The following VSTM2L variants were observed in gnomAD, a reference collection of about 807,000 sequenced individuals.
VSTM2L encodes V-set and transmembrane domain-containing protein 2-like protein.
VSTM2L carries 9 observed loss-of-function variants against 19.9 expected under a neutral mutation model. The observed-to-expected ratio is 0.45, with a 90% CI of 0.27 to 0.79. The LOEUF is 0.79. Ranked by LOEUF, VSTM2L falls within the 30% of genes least tolerant of loss-of-function variation. The pLI is 0.15. For missense variants in VSTM2L, 286 were observed against 295.5 expected, an observed-to-expected ratio of 0.97 and a Z score of 0.24; for synonymous variants, 127 against 133.8, an observed-to-expected ratio of 0.95 and a Z score of 0.35.
chr20:37,943,651 A>T (rs2072987016), intron 3 of VSTM2L, among the ~76,000 whole-genome samples: 1 of 151,926 alleles, frequency 6.6e-6, no homozygotes, highest in African/African-American at 2.4e-5. Context: ...CATAAATGGC[A>T]TCCCCTGGGG....
intron 1 of VSTM2L, among the ~76,000 whole-genome samples, chr20:37,916,799 A>G (rs2072821166): frequency 6.6e-6 from 1 of 152,244 alleles, no homozygotes; most frequent in Non-Finnish European, 1.5e-5. Flanking sequence ...CAAAAACTCT[A>G]TGCTAGATGA....
At chr20:37,927,440 T>C (rs956076940) in intron 1 of VSTM2L, among the ~76,000 whole-genome samples, 1 of 152,198 alleles carries the variant, frequency 6.6e-6, no homozygotes, top group Non-Finnish European at 1.5e-5. Flanking sequence ...CTGTTTCTGT[T>C]GGACAGCGAG....
rs751540980 is a variant in VSTM2L at position 37,945,021 on chromosome 20, C to T, written c.*768C>T. ...GCCTTCAAGGCTCTCCCAGGAGTCCCCCTCTGCCGGCCCCCCAATGCCCCA... is the reference window on the plus strand; with the variant it reads ...GCCTTCAAGGCTCTCCCAGGAGTCCTCCTCTGCCGGCCCCCCAATGCCCCA... On this transcript the variant is annotated 3_prime_UTR_variant, in exon 4 of 4. Transcript: ENST00000373461. 1.1e-4 allele frequency: 106 copies of T among 985,736 alleles called. No homozygotes were observed. The highest frequency in any genetic ancestry group is 1.2e-4 in the Non-Finnish European group (103 of 829,988). 61.1% of individuals were successfully genotyped at this position (985,736 alleles called of 1,614,324 possible). A position where few individuals can be genotyped will look rare whatever the true frequency, so the allele number is the denominator to read the frequency against.
intron 1 of VSTM2L, among the ~76,000 whole-genome samples, chr20:37,904,554 C>T (rs906518646): frequency 6.6e-6 from 1 of 152,188 alleles, no homozygotes; most frequent in Admixed American, 6.5e-5. Context: ...GATGGAGGCT[C>T]GAGCATAGAT....
intron 1 of VSTM2L, among the ~76,000 whole-genome samples, chr20:37,905,744 C>T (rs955828019): frequency 2.0e-5 from 3 of 152,190 alleles, no homozygotes; most frequent in Non-Finnish European, 4.4e-5. Context: ...CGAGGAGCCC[C>T]CACAGCTGCC....
At chr20:37,904,577 G>C (rs2072740930) in intron 1 of VSTM2L, among the ~76,000 whole-genome samples, 1 of 152,226 alleles carries the variant, frequency 6.6e-6, no homozygotes, top group African/African-American at 2.4e-5. Flanking sequence ...AACCAAAGGA[G>C]ACCTTTCTTC....
At chr20:37,931,511 A>ACCCCCC in intron 1 of VSTM2L, 124 bp from the exon 2 acceptor site, 1 of 1,059,534 alleles carries the variant, frequency 9.4e-7, no homozygotes, top group Non-Finnish European at 1.4e-6. Context: ...CTTGCAGGTC[A>ACCCCCC]CCCCACCCCC....
rs1003581110 is a variant in VSTM2L at position 37,933,646 on chromosome 20, TA to T, written c.342+66del. On this transcript the variant is annotated intron_variant, in intron 3 of 3. Coordinates refer to ENST00000373461, the MANE Select transcript of VSTM2L (RefSeq NM_080607.3). ...TCTAATGGAGGGCACAGCTGTGACT[TA>T]AAAAAAAATTGGGGTCCAGTTCAGC... 560 of 1,552,626 alleles carry T rather than the reference TA, an allele frequency of 3.6e-4. 1 individual carries two copies. The highest frequency in any genetic ancestry group is 7.3e-4 in the South Asian group (63 of 86,188).
chr20:37,919,539 C>T (rs1050856615), intron 1 of VSTM2L, among the ~76,000 whole-genome samples: 6 of 152,228 alleles, frequency 3.9e-5, no homozygotes, highest in African/African-American at 1.2e-4. Context: ...GATTTACAGG[C>T]GGTTGGGCTG....
chr20:37,919,265 A>G (rs1002070895), intron 1 of VSTM2L, among the ~76,000 whole-genome samples: 9 of 152,238 alleles, frequency 5.9e-5, no homozygotes, highest in African/African-American at 2.2e-4. Context: ...CTTCTTAGGA[A>G]GAAAGCCCAT....
rs1013694189 is a variant in VSTM2L, at chr20:37,925,870, T to C, written c.122-5765T>C. On this transcript the variant is annotated intron_variant, in intron 1 of 3. Coordinates refer to ENST00000373461, the MANE Select transcript of VSTM2L (RefSeq NM_080607.3). ...CCTCCTACCTGAAGCCCCTCCCTGC[T>C]CCCGGCTCTACTACCTAGCCTACTG... 5.3e-5 allele frequency among the ~76,000 whole-genome samples: 8 copies of C among 152,236 alleles called. No homozygotes were observed. In the South Asian group the frequency reaches 1.7e-3, roughly 32 times the overall value.
At chr20:37,907,502 T>C (rs1348610053) in intron 1 of VSTM2L, among the ~76,000 whole-genome samples, 2 of 152,114 alleles carry the variant, frequency 1.3e-5, no homozygotes, top group African/African-American at 4.8e-5. Flanking sequence ...GTGGGAGATG[T>C]AGGGACAGGA....
Position 37,944,109 on chromosome 20 carries a change from C to G in VSTM2L, c.471C>G (p.Val157=). ...FSDGKARHHK[V]KAYLRVQPGE... ...ACGGCAAGGCCCGGCACCACAAGGT[C>G]AAGGCCTACCTGCGGGTGCAGCCAG... Residue 157 remains valine, a synonymous_variant, in exon 4 of 4, where the codon GTC becomes GTG. Coordinates refer to ENST00000373461, the MANE Select transcript of VSTM2L (RefSeq NM_080607.3). The G allele has an allele frequency of 6.2e-7, 1 of 1,612,606 alleles. No homozygotes were observed. Among genetic ancestry groups the G allele is most frequent in the Non-Finnish European group, 8.5e-7 (1 of 1,179,192 alleles).
intron 3 of VSTM2L, among the ~76,000 whole-genome samples, chr20:37,941,393 C>A (rs552075210): frequency 8.5e-5 from 13 of 152,264 alleles, no homozygotes; most frequent in African/African-American, 2.6e-4. Context: ...GGGCCCAGCA[C>A]GCGCAAAGGC....
At chr20:37,908,229 G>C (rs2072761342) in intron 1 of VSTM2L, among the ~76,000 whole-genome samples, 1 of 152,194 alleles carries the variant, frequency 6.6e-6, no homozygotes, top group African/African-American at 2.4e-5. Flanking sequence ...CAGGACGCAG[G>C]GAATTTGGCT....
chr20:37,926,555 AAG>A (rs1294463850), intron 1 of VSTM2L, among the ~76,000 whole-genome samples: 1 of 152,202 alleles, frequency 6.6e-6, no homozygotes, highest in Non-Finnish European at 1.5e-5. Context: ...AGAAAGAAAA[AAG>A]AGAAATATTT....
intron 2 of VSTM2L, among the ~76,000 whole-genome samples, chr20:37,933,195 C>G (rs1045174747): frequency 6.6e-6 from 1 of 152,260 alleles, no homozygotes; most frequent in Non-Finnish European, 1.5e-5. Context: ...CTCAAGGGTA[C>G]AAACATGCTC....
chr20:37,932,212 T>C (rs2072914257), intron 2 of VSTM2L, among the ~76,000 whole-genome samples: 1 of 152,172 alleles, frequency 6.6e-6, no homozygotes, highest in Non-Finnish European at 1.5e-5. Context: ...GCTCTGCAAA[T>C]GCTGAGTTCA....
Position 37,944,370 on chromosome 20 carries a change from T to C in VSTM2L, c.*117T>C. On this transcript the variant is annotated 3_prime_UTR_variant, in exon 4 of 4. Transcript: ENST00000373461. The stretch of plus-strand genomic sequence containing the variant: ...GCCGCGCCCCATCCCCGAGGCCGCC[T>C]GTGGCCACCATGTCGGCCCTCTTTC... The C allele has an allele frequency of 7.9e-7, 1 of 1,272,602 alleles. No individual in the cohort carries two copies. Among genetic ancestry groups the C allele is most frequent in the Non-Finnish European group, 1.0e-6 (1 of 983,024 alleles). The allele number at this position is 1,272,602 out of a possible 1,614,324, so 78.8% of individuals were successfully genotyped here.
Sources: allele counts gnomAD v4.1 joint callset (sites outside exome capture counted in the v4.1 genomes callset), GRCh38; gene constraint gnomAD v4.1.1; transcripts MANE v1.5; gene names NCBI Gene and HGNC (gene_info 2026-07-23, HGNC 2026-07-21).